The following OXCT1 variants were observed in gnomAD, a reference collection of about 807,000 sequenced individuals.
OXCT1 encodes the protein 3-oxoacid CoA-transferase 1.
In OXCT1, 27 loss-of-function variants were observed where a neutral mutation model predicts 69.6. The ratio of observed to expected loss-of-function variants is 0.39; its 90% confidence interval spans 0.29 to 0.54. The LOEUF (loss-of-function observed/expected upper bound fraction) is 0.54, where lower values mean the gene tolerates loss of function less well. Among genes scored for constraint, OXCT1 ranks in the 20% least tolerant of loss-of-function variants. The pLI, the probability that OXCT1 is intolerant of heterozygous loss-of-function variation, is 0.72. For missense variants in OXCT1, 437 were observed against 650.2 expected (o/e 0.67, Z 3.57); for synonymous variants, 202 against 217.8 (o/e 0.93, Z 0.64).
chr5:41,774,101 T>A (rs1745010544), intron 13 of OXCT1, among the ~76,000 whole-genome samples: 1 of 152,150 alleles, frequency 6.6e-6, no homozygotes, highest in Admixed American at 6.5e-5. Context: ...GGTGGTGAGG[T>A]GTAATTGCTA....
At chr5:41,749,191 A>C (rs1448698373) in intron 15 of OXCT1, among the ~76,000 whole-genome samples, 6 of 152,122 alleles carry the variant, frequency 3.9e-5, no homozygotes, top group South Asian at 2.1e-4. Flanking sequence ...GTGATTTAGA[A>C]AAGGTAGAAA....
intron 7 of OXCT1, among the ~76,000 whole-genome samples, chr5:41,831,825 A>C (rs186585601): frequency 2.0e-5 from 3 of 152,310 alleles, no homozygotes; most frequent in Non-Finnish European, 4.4e-5. Flanking sequence ...CCTCAAAAAT[A>C]GACATTTAAA....
At chr5:41,794,792 T>A (rs1369414829) in intron 11 of OXCT1, 43 bp from the exon 12 acceptor site, 4 of 1,595,272 alleles carry the variant, frequency 2.5e-6, no homozygotes, top group Non-Finnish European at 3.4e-6. Flanking sequence ...GCTATTAGAT[T>A]TCTAAGAGTA....
At chr5:41,811,510 C>T (rs1746985620) in intron 7 of OXCT1, among the ~76,000 whole-genome samples, 1 of 151,668 alleles carries the variant, frequency 6.6e-6, no homozygotes, top group African/African-American at 2.4e-5. Flanking sequence ...GCATCTTTCT[C>T]AAAGATTCAA....
Position 41,840,484 on chromosome 5 carries a change from T to A in OXCT1, c.699A>T (p.Pro233=), listed in dbSNP as rs953638189. Residue 233 remains proline, a synonymous_variant, in exon 7 of 17, where the codon CCA becomes CCT. Coordinates refer to ENST00000196371, the MANE Select transcript of OXCT1 (RefSeq NM_000436.4). ...CTGTGGTTTCTGCAGCTTTGCACAT[T>A]GGCAAGTTGAAATTCCTTGCACTTT... ...FRKSARNFNL[P]MCKAAETTVV... 1 of 1,613,426 alleles carries A rather than the reference T, an allele frequency of 6.2e-7. No individual in the cohort carries two copies. The highest frequency in any genetic ancestry group is 1.3e-5 in the African/African-American group (1 of 75,028).
chr5:41,838,199 A>G (rs567941608), intron 7 of OXCT1, among the ~76,000 whole-genome samples: 1 of 152,310 alleles, frequency 6.6e-6, no homozygotes, highest in East Asian at 1.9e-4. Context: ...ATAGCACAGA[A>G]CAGGGGGCTG....
chr5:41,791,615 T>C (rs1745920020), intron 13 of OXCT1, among the ~76,000 whole-genome samples: 1 of 152,188 alleles, frequency 6.6e-6, no homozygotes, highest in Admixed American at 6.5e-5. Flanking sequence ...AAGATGCCCA[T>C]GTTCCCCGAA....
intron 16 of OXCT1, among the ~76,000 whole-genome samples, chr5:41,738,815 G>A (rs1475553695): frequency 1.3e-5 from 2 of 152,082 alleles, no homozygotes; most frequent in African/African-American, 4.8e-5. Flanking sequence ...TTTCTTAAAC[G>A]GATACTCCCC....
chr5:41,830,688 G>A (rs1205709581), intron 7 of OXCT1, among the ~76,000 whole-genome samples: 1 of 152,138 alleles, frequency 6.6e-6, no homozygotes, highest in Non-Finnish European at 1.5e-5. Context: ...ATGGTGAGAA[G>A]TCTTTGTCTT....
intron 7 of OXCT1, among the ~76,000 whole-genome samples, chr5:41,833,685 ATAAC>A (rs1421887311): frequency 1.3e-5 from 2 of 152,224 alleles, no homozygotes; most frequent in Non-Finnish European, 2.9e-5. Context: ...ACCAATTAGA[ATAAC>A]TACAATAACT....
intron 5 of OXCT1, among the ~76,000 whole-genome samples, chr5:41,849,766 T>C (rs1040061143): frequency 6.6e-6 from 1 of 152,240 alleles, no homozygotes; most frequent in Non-Finnish European, 1.5e-5. Context: ...AAGCCTACCA[T>C]AAAATCAGTT....
chr5:41,849,914 G>T, intron 5 of OXCT1, 116 bp downstream of exon 5: 1 of 1,050,054 alleles, frequency 9.5e-7, no homozygotes, highest in Non-Finnish European at 1.5e-6. Context: ...TTATGAAAAT[G>T]AATGAGTGCT....
intron 10 of OXCT1, among the ~76,000 whole-genome samples, chr5:41,801,831 A>G (rs1336583265): frequency 6.6e-6 from 1 of 152,106 alleles, no homozygotes; most frequent in Non-Finnish European, 1.5e-5. Context: ...CTATTTAAAT[A>G]GGCCAAGTAG....
chr5:41,750,800 G>A (rs1306788445), intron 14 of OXCT1, among the ~76,000 whole-genome samples: 1 of 152,052 alleles, frequency 6.6e-6, no homozygotes, highest in African/African-American at 2.4e-5. Context: ...TAATTAAGGG[G>A]CTTTAATGTA....
Position 41,862,661 on chromosome 5 carries a change from A to G in OXCT1, c.168T>C (p.Gly56=). The G allele has an allele frequency of 6.2e-7, 1 of 1,609,552 alleles. No individual in the cohort carries two copies. Residue 56 remains glycine, a synonymous_variant, in exon 2 of 17, where the codon GGT becomes GGC. Coordinates refer to ENST00000196371, the MANE Select transcript of OXCT1 (RefSeq NM_000436.4). ...ACTCACCACCAACCAAAACCGTGGC[A>G]CCATCAGGGATGTCTTTTACAGCTT... ...PVEAVKDIPD[G]ATVLVGGFGL...
intron 5 of OXCT1, among the ~76,000 whole-genome samples, chr5:41,847,710 AC>A (rs1263976968): frequency 6.6e-6 from 1 of 152,176 alleles, no homozygotes; most frequent in Non-Finnish European, 1.5e-5. Flanking sequence ...TGCAGAAAAG[AC>A]CGTGACAAAA....
chr5:41,754,411 A>C (rs566172683), intron 14 of OXCT1, among the ~76,000 whole-genome samples: 1 of 152,256 alleles, frequency 6.6e-6, no homozygotes, highest in South Asian at 2.1e-4. Flanking sequence ...TAACTGATGT[A>C]GCTGGATTAT....
chr5:41,750,104 T>C (rs1003188083), intron 14 of OXCT1, among the ~76,000 whole-genome samples: 6 of 151,380 alleles, frequency 4.0e-5, no homozygotes, highest in African/African-American at 1.2e-4. Flanking sequence ...AGACTTGCTC[T>C]TAACTGGAAT....
At chr5:41,798,873 A>C (rs1374939684) in intron 11 of OXCT1, among the ~76,000 whole-genome samples, 1 of 152,140 alleles carries the variant, frequency 6.6e-6, no homozygotes, top group Non-Finnish European at 1.5e-5. Flanking sequence ...GTGTATAGAG[A>C]AAAAGGCCAG....
Sources: gnomAD v4.1 joint callset for allele counts (sites outside exome capture counted in the v4.1 genomes callset) on GRCh38, gnomAD v4.1.1 for gene constraint, MANE v1.5 for transcripts, NCBI Gene and HGNC (gene_info 2026-07-23, HGNC 2026-07-21) for gene names.